The following CTNND2 variants were observed in gnomAD, a reference collection of about 807,000 sequenced individuals.
CTNND2 encodes the protein catenin delta-2.
In CTNND2, 22 loss-of-function variants were observed where a neutral mutation model predicts 144.4. That is an observed-to-expected ratio of 0.15 (90% CI 0.11 to 0.22). The LOEUF is 0.22. Ranked by LOEUF, CTNND2 falls within the 10% of genes least tolerant of loss-of-function variation. The pLI, the probability that CTNND2 is intolerant of heterozygous loss-of-function variation, is 1.00. For missense variants in CTNND2, 1,353 were observed against 1,618.8 expected (o/e 0.84, Z 2.82); for synonymous variants, 751 against 695.6 (o/e 1.08, Z -1.25).
chr5:11,540,655 G>A (rs535165762), intron 3 of CTNND2, among the ~76,000 whole-genome samples: 15 of 152,206 alleles, frequency 9.9e-5, no homozygotes, highest in South Asian at 6.2e-4. Flanking sequence ...GACTACAGGC[G>A]TGCATCACCA....
chr5:11,037,329 C>T (rs562972397), intron 16 of CTNND2, among the ~76,000 whole-genome samples: 1 of 152,176 alleles, frequency 6.6e-6, no homozygotes, highest in Non-Finnish European at 1.5e-5. Flanking sequence ...CCTAAATACC[C>T]CTGCCAAAAC....
At chr5:11,633,214 G>A (rs1561640251) in intron 2 of CTNND2, among the ~76,000 whole-genome samples, 2 of 152,276 alleles carry the variant, frequency 1.3e-5, no homozygotes. Flanking sequence ...CACGTTGAAA[G>A]TGAAAGACAA....
chr5:11,495,147 ACACTAAGAGTGTG>A (rs1769809845), intron 3 of CTNND2, among the ~76,000 whole-genome samples: 1 of 152,314 alleles, frequency 6.6e-6, no homozygotes, highest in South Asian at 2.1e-4. Flanking sequence ...ATAAATAATT[ACACTAAGAGTGTG>A]CTTCATGATT....
intron 2 of CTNND2, among the ~76,000 whole-genome samples, chr5:11,577,316 T>G (rs544901557): frequency 6.6e-6 from 1 of 152,342 alleles, no homozygotes; most frequent in Admixed American, 6.5e-5. Context: ...TAAAATTAAT[T>G]CAGGTGTGGA....
At chr5:11,808,087 T>C in intron 1 of CTNND2, among the ~76,000 whole-genome samples, 1 of 152,150 alleles carries the variant, frequency 6.6e-6, no homozygotes, top group East Asian at 1.9e-4. Flanking sequence ...AAATAAGTCC[T>C]ACTTCTCTAT....
At chr5:11,414,314 G>T (rs555463889) in intron 3 of CTNND2, among the ~76,000 whole-genome samples, 2 of 152,262 alleles carry the variant, frequency 1.3e-5, no homozygotes, top group South Asian at 4.2e-4. Context: ...TCACCCAGTT[G>T]TGGTAATTTG....
chr5:11,514,462 T>G (rs1256232983), intron 3 of CTNND2, among the ~76,000 whole-genome samples: 19 of 152,198 alleles, frequency 1.2e-4, no homozygotes, highest in Admixed American at 1.2e-3. Context: ...TTTAAGAGCA[T>G]GAATGTAATA....
intron 3 of CTNND2, among the ~76,000 whole-genome samples, chr5:11,434,267 G>A (rs1383878216): frequency 3.3e-5 from 5 of 152,118 alleles, no homozygotes; most frequent in Non-Finnish European, 7.3e-5. Flanking sequence ...ATTCTTAAAC[G>A]AGCAAAACTA....
At chr5:11,696,437 A>G (rs549396583) in intron 2 of CTNND2, among the ~76,000 whole-genome samples, 23 of 152,344 alleles carry the variant, frequency 1.5e-4, no homozygotes, top group African/African-American at 4.3e-4. Context: ...GATTCAGTCA[A>G]CTGCCCTAAT....
chr5:11,480,845 C>A (rs1228818300), intron 3 of CTNND2, among the ~76,000 whole-genome samples: 1 of 152,028 alleles, frequency 6.6e-6, no homozygotes, highest in Admixed American at 6.6e-5. Flanking sequence ...AGGCAGGGAA[C>A]CATCTTGTGT....
At chr5:11,761,974 T>C (rs961216272) in intron 1 of CTNND2, among the ~76,000 whole-genome samples, 3 of 152,140 alleles carry the variant, frequency 2.0e-5, no homozygotes, top group African/African-American at 4.8e-5. Context: ...TATATATAGA[T>C]TAAGTGACAT....
chr5:11,349,704 T>G (rs754172862), intron 8 of CTNND2, among the ~76,000 whole-genome samples: 7 of 152,172 alleles, frequency 4.6e-5, no homozygotes, highest in Non-Finnish European at 1.0e-4. Context: ...TGAAAAATAT[T>G]ACAAACTCGT....
intron 16 of CTNND2, among the ~76,000 whole-genome samples, chr5:11,069,273 G>C (rs1011587028): frequency 1.3e-5 from 2 of 152,122 alleles, no homozygotes; most frequent in Non-Finnish European, 1.5e-5. Flanking sequence ...AACTCGGGGG[G>C]TATACAGATT....
intron 3 of CTNND2, among the ~76,000 whole-genome samples, chr5:11,490,744 C>T (rs1168672385): frequency 6.6e-6 from 1 of 152,072 alleles, no homozygotes; most frequent in African/African-American, 2.4e-5. Context: ...CAGGATTGAC[C>T]ACAGTTCATC....
intron 3 of CTNND2, among the ~76,000 whole-genome samples, chr5:11,508,017 C>T (rs1476674659): frequency 6.6e-6 from 1 of 151,078 alleles, no homozygotes; most frequent in Non-Finnish European, 1.5e-5. Flanking sequence ...GCATTAGCTG[C>T]AGAGAAAAGC....
Position 11,851,550 on chromosome 5 carries a change from G to T in CTNND2, c.37+52267C>A, listed in dbSNP as rs1414203309. On this transcript the variant is annotated intron_variant, in intron 1 of 21. Coordinates refer to ENST00000304623, the MANE Select transcript of CTNND2 (RefSeq NM_001332.4). ...GGAGCAGCTGGCTTTATGCAGCTTTGTTCATTAACACAGGGCCTGTTTGGA... is the reference window on the plus strand; with the variant it reads ...GGAGCAGCTGGCTTTATGCAGCTTTTTTCATTAACACAGGGCCTGTTTGGA... Among the ~76,000 whole-genome samples the T allele has an allele frequency of 2.0e-5, 3 of 152,298 alleles. No homozygotes were observed. In the East Asian group the frequency reaches 5.8e-4, roughly 29 times the overall value.
At chr5:11,473,904 G>A (rs1451898506) in intron 3 of CTNND2, among the ~76,000 whole-genome samples, 1 of 152,042 alleles carries the variant, frequency 6.6e-6, no homozygotes, top group Non-Finnish European at 1.5e-5. Flanking sequence ...CAAATGTGAT[G>A]AATTTGAACA....
chr5:11,531,779 G>T (rs1318125774), intron 3 of CTNND2, among the ~76,000 whole-genome samples: 1 of 152,160 alleles, frequency 6.6e-6, no homozygotes, highest in Non-Finnish European at 1.5e-5. Flanking sequence ...TGCTTTTTCA[G>T]CCTTCCTTTC....
At chr5:11,541,964 A>G (rs898988456) in intron 3 of CTNND2, among the ~76,000 whole-genome samples, 6 of 151,422 alleles carry the variant, frequency 4.0e-5, no homozygotes, top group Non-Finnish European at 7.4e-5. Flanking sequence ...ACAGACCACT[A>G]TAATATCTAA....
Sources: gnomAD v4.1 joint callset for allele counts (sites outside exome capture counted in the v4.1 genomes callset) on GRCh38, gnomAD v4.1.1 for gene constraint, MANE v1.5 for transcripts, NCBI Gene and HGNC (gene_info 2026-07-23, HGNC 2026-07-21) for gene names.